RNF220: variants seen among roughly 807,000 people sequenced by gnomAD.
The protein encoded by RNF220 is E3 ubiquitin-protein ligase RNF220.
Under a neutral mutation model 67.1 loss-of-function variants are expected in RNF220, and 7 were observed. The observed-to-expected ratio is 0.10, with a 90% CI of 0.06 to 0.20. RNF220 has a LOEUF of 0.20. RNF220 is among the 10% of genes least tolerant of loss of function. The probability of loss-of-function intolerance (pLI) is 1.00; values close to 1 mark genes in which losing one functional copy is unlikely to be tolerated. For missense variants in RNF220, 565 were observed against 740.3 expected, an observed-to-expected ratio of 0.76 and a Z score of 2.75; for synonymous variants, 270 against 283.2, an observed-to-expected ratio of 0.95 and a Z score of 0.47.
intron 2 of RNF220, among the ~76,000 whole-genome samples, chr1:44,551,145 C>T (rs1020467984): frequency 1.2e-5 from 1 of 80,236 alleles, no homozygotes; most frequent in Non-Finnish European, 2.4e-5. Flanking sequence ...TTTTTTGAGG[C>T]GCTCTGTCGC....
intron 2 of RNF220, among the ~76,000 whole-genome samples, chr1:44,607,215 G>A (rs1667328450): frequency 6.6e-6 from 1 of 152,142 alleles, no homozygotes. Flanking sequence ...TTGCCCCTTA[G>A]ACCACTGGCT....
At position 44,565,511 on chromosome 1, in the gene RNF220, G is replaced by C. The variant is rs1055849373; in HGVS notation, c.626-48654G>C. ...CTGGGGACAGCAGGCAGGAAGCAGTGGGCCCATTCCTCAGCGCTAATGCCC... is the reference window on the plus strand; with the variant it reads ...CTGGGGACAGCAGGCAGGAAGCAGTCGGCCCATTCCTCAGCGCTAATGCCC... On this transcript the variant is annotated intron_variant, in intron 2 of 14. Transcript: ENST00000361799. This position sits in a 1 kb window ranked among gnomAD's most constrained non-coding sequence, Gnocchi z 4.2. Among the ~76,000 whole-genome samples, 1 of 152,124 alleles carries C rather than the reference G, an allele frequency of 6.6e-6. No individual in the cohort carries two copies. The highest frequency in any genetic ancestry group is 1.5e-5 in the Non-Finnish European group (1 of 68,016).
intron 2 of RNF220, among the ~76,000 whole-genome samples, chr1:44,518,824 G>A (rs1331216653): frequency 4.0e-5 from 6 of 151,604 alleles, no homozygotes; most frequent in East Asian, 1.9e-4. Context: ...GCAGTGAGCC[G>A]AGATTGTGCC....
At position 44,565,594 on chromosome 1, in the gene RNF220, A is replaced by G. The variant is rs1030947133; in HGVS notation, c.626-48571A>G. ...TCAGCCCAGGCAAGGGGGAGGTTGC[A>G]TGGAGGGCAAGCATGCCCCGCAGCT... On this transcript the variant is annotated intron_variant, in intron 2 of 14. Transcript: ENST00000361799. The surrounding 1 kb of genome is among the most constrained non-coding windows in gnomAD (Gnocchi z 4.2). Among the ~76,000 whole-genome samples the G allele has an allele frequency of 2.0e-5, 3 of 152,184 alleles. No individual in the cohort carries two copies. The highest frequency in any genetic ancestry group is 7.2e-5 in the African/African-American group (3 of 41,460).
chr1:44,479,907 C>T (rs1290247489), intron 2 of RNF220, among the ~76,000 whole-genome samples: 2 of 152,172 alleles, frequency 1.3e-5, no homozygotes, highest in Admixed American at 1.3e-4. Flanking sequence ...AGATCCCCTC[C>T]TTCACCTTTG....
chr1:44,527,953 T>TAAAAAAAAAAAAAA (rs1660526359), intron 2 of RNF220, among the ~76,000 whole-genome samples: 1 of 70,008 alleles, frequency 1.4e-5, no homozygotes, highest in African/African-American at 5.2e-5. Flanking sequence ...AAAAAAAAAG[T>TAAAAAAAAAAAAAA]TAAATGCAAA....
intron 2 of RNF220, among the ~76,000 whole-genome samples, chr1:44,557,973 G>A (rs960165509): frequency 2.0e-5 from 3 of 152,164 alleles, no homozygotes; most frequent in African/African-American, 7.2e-5. Context: ...TGAGCCCTGC[G>A]GGTAGGACTG....
At chr1:44,434,028 GA>G (rs1650686828) in intron 2 of RNF220, among the ~76,000 whole-genome samples, 1 of 151,986 alleles carries the variant, frequency 6.6e-6, no homozygotes, top group Admixed American at 6.6e-5. Context: ...TAAAATTAAA[GA>G]ATCAAGAAAA....
At chr1:44,422,058 TC>T (rs1649283036) in intron 2 of RNF220, among the ~76,000 whole-genome samples, 1 of 152,144 alleles carries the variant, frequency 6.6e-6, no homozygotes, top group African/African-American at 2.4e-5. Context: ...CACCCAATTC[TC>T]CTCCCTCTCT....
Position 44,622,841 on chromosome 1 carries a change from A to G in RNF220, c.804+54A>G, listed in dbSNP as rs1643854044. ...TGCCCATACTAACCTAGGCCTACCCAGAACTGGTTCCTCCTGAGAAAAAGG... is the reference window on the plus strand; with the variant it reads ...TGCCCATACTAACCTAGGCCTACCCGGAACTGGTTCCTCCTGAGAAAAAGG... On this transcript the variant is annotated intron_variant, in intron 4 of 14. Coordinates refer to ENST00000361799, the MANE Select transcript of RNF220 (RefSeq NM_018150.4). The surrounding 1 kb of genome is among the most constrained non-coding windows in gnomAD (Gnocchi z 4.3). 3 of 1,504,598 alleles carry G rather than the reference A, an allele frequency of 2.0e-6. No homozygotes were observed. The highest frequency in any genetic ancestry group is 2.8e-6 in the Non-Finnish European group (3 of 1,082,728). The allele number at this position is 1,504,598 out of a possible 1,614,324, so 93.2% of individuals were successfully genotyped here.
At chr1:44,620,214 G>A (rs987982136) in intron 3 of RNF220, among the ~76,000 whole-genome samples, 8 of 152,202 alleles carry the variant, frequency 5.3e-5, no homozygotes, top group East Asian at 1.9e-4. Context: ...AACCCTCCAC[G>A]GACTGTGTGA....
At chr1:44,462,878 T>A (rs954154915) in intron 2 of RNF220, among the ~76,000 whole-genome samples, 1 of 151,262 alleles carries the variant, frequency 6.6e-6, no homozygotes, top group South Asian at 2.1e-4. Context: ...AATACAAAAA[T>A]TAGCCAGGTG....
intron 2 of RNF220, among the ~76,000 whole-genome samples, chr1:44,422,358 A>G (rs778214122): frequency 4.6e-5 from 7 of 152,124 alleles, no homozygotes; most frequent in Non-Finnish European, 1.0e-4. Flanking sequence ...CCTTAGAACA[A>G]CAAAAGTCTG....
At chr1:44,566,122 G>T (rs1178605675) in intron 2 of RNF220, among the ~76,000 whole-genome samples, 1 of 151,944 alleles carries the variant, frequency 6.6e-6, no homozygotes, top group Non-Finnish European at 1.5e-5. Flanking sequence ...CCCCTAGCTT[G>T]CCCTTCCCCA....
In RNF220 at chr1:44,645,065, C is replaced by T. The variant is rs1205847842; in HGVS notation, c.1294C>T (p.Arg432Trp). 1.9e-6 allele frequency: 3 copies of T among 1,614,062 alleles called. No individual in the cohort carries two copies. Among genetic ancestry groups the T allele is most frequent in the Admixed American group, 1.7e-5 (1 of 60,018 alleles). ...TGAAGCCAAGGAGAGAGAGGCACTTCGGGGCGCAGTCCTAAAGCAAGTGTG... is the reference window on the plus strand; with the variant it reads ...TGAAGCCAAGGAGAGAGAGGCACTTTGGGGCGCAGTCCTAAAGCAAGTGTG... ...PGEAKEREAL[R>W]GAVLNGGPPS... Residue 432 changes from arginine to tryptophan, a missense_variant, in exon 10 of 15, where the codon CGG (arginine) becomes TGG (tryptophan). Transcript: ENST00000361799. The surrounding 1 kb of genome is among the most constrained non-coding windows in gnomAD (Gnocchi z 5.0).
chr1:44,526,994 C>T (rs1036390759), intron 2 of RNF220, among the ~76,000 whole-genome samples: 1 of 152,008 alleles, frequency 6.6e-6, no homozygotes, highest in Admixed American at 6.6e-5. Context: ...TGTGCCCCTT[C>T]AGTATCGCTG....
intron 2 of RNF220, among the ~76,000 whole-genome samples, chr1:44,451,232 T>A (rs1652650218): frequency 6.6e-6 from 1 of 151,624 alleles, no homozygotes; most frequent in Admixed American, 6.6e-5. Context: ...TACATTCCCA[T>A]CCAAAAGAGA....
intron 2 of RNF220, among the ~76,000 whole-genome samples, chr1:44,595,342 C>T (rs766568977): frequency 6.6e-6 from 1 of 152,198 alleles, no homozygotes; most frequent in African/African-American, 2.4e-5. Context: ...ACCTAGGCCA[C>T]CCCCTCCAGG....
chr1:44,646,215 C>G (rs1006980690), intron 12 of RNF220, among the ~76,000 whole-genome samples: 1 of 152,258 alleles, frequency 6.6e-6, no homozygotes, highest in Admixed American at 6.5e-5. Context: ...CTCTTCATTC[C>G]AGGGCCAGTG....
Sources: gnomAD v4.1 joint callset for allele counts (sites outside exome capture counted in the v4.1 genomes callset) on GRCh38, gnomAD v4.1.1 for gene constraint, Gnocchi (gnomAD v3.1) non-coding constraint, MANE v1.5 for transcripts, NCBI Gene and HGNC (gene_info 2026-07-23, HGNC 2026-07-21) for gene names.